The following DHX58 variants were observed in gnomAD, a reference collection of about 807,000 sequenced individuals.
DHX58 encodes DExH-box helicase 58.
A neutral mutation model predicts 65.0 loss-of-function variants in DHX58; 51 were observed. That is an observed-to-expected ratio of 0.78 (90% CI 0.63 to 0.99). DHX58 has a LOEUF of 0.99. Among genes scored for constraint, DHX58 ranks in the 50% least tolerant of loss-of-function variants. DHX58 has a pLI of 0.00. For synonymous variants in DHX58, 350 were observed against 365.0 expected (o/e 0.96, Z 0.47); for missense variants, 773 against 891.8 (o/e 0.87, Z 1.70).
intron 11 of DHX58, 110 bp from the exon 12 acceptor site, chr17:42,103,908 TA>T: frequency 8.4e-7 from 1 of 1,196,426 alleles, no homozygotes; most frequent in Non-Finnish European, 1.1e-6. Flanking sequence ...AGACTTTCCT[TA>T]ACCCTCCCTG....
rs1049472271 is a variant in DHX58 at position 42,110,601 on chromosome 17, C to T, written c.561+122G>A. 91 of 1,137,856 alleles carry T rather than the reference C, an allele frequency of 8.0e-5. 1 individual carries two copies. Among genetic ancestry groups the T allele is most frequent in the Non-Finnish European group, 1.0e-4 (84 of 818,218 alleles). The allele number at this position is 1,137,856 out of a possible 1,614,324, so 70.5% of individuals were successfully genotyped here. ...GGCTGGGTCTTAGGTGAGGAAGGGG[C>T]CAGACCCTGCCATGGAGAGCCTGGT... On this transcript the variant is annotated intron_variant, in intron 5 of 13. Transcript: ENST00000251642.
rs2054136392 is a variant in DHX58 at position 42,110,736 on chromosome 17, T to C, written c.548A>G (p.Asn183Ser). The C allele has an allele frequency of 6.2e-7, 1 of 1,606,352 alleles. No homozygotes were observed. Among genetic ancestry groups the C allele is most frequent in the Non-Finnish European group, 8.5e-7 (1 of 1,176,002 alleles). The change falls in exon 5 of 14, where the codon AAC (asparagine) becomes AGC (serine). Residue 183 changes from asparagine to serine, a missense_variant. Transcript: ENST00000251642. ...GGASKLDGAI[N>S]HVLQLCANLD... The stretch of plus-strand genomic sequence containing the variant: ...GGCCAGGCTGACCTGCAGGACGTGG[T>C]TGATGGCCCCATCGAGTTTGGAGGC...
At chr17:42,108,517 G>A (rs1555663338) in intron 6 of DHX58, among the ~76,000 whole-genome samples, 3 of 152,232 alleles carry the variant, frequency 2.0e-5, no homozygotes, top group African/African-American at 7.2e-5. Flanking sequence ...ACGGAGCTTG[G>A]TTCAGCTCGG....
At chr17:42,104,971 C>T (rs1555662297) in intron 10 of DHX58, 44 bp from the exon 11 acceptor site, 1 of 1,612,838 alleles carries the variant, frequency 6.2e-7, no homozygotes, top group Admixed American at 1.7e-5. Flanking sequence ...GCTGGGGCCC[C>T]ACACAGGATC....
chr17:42,107,496 T>C, intron 8 of DHX58, 108 bp downstream of exon 8: 1 of 1,264,022 alleles, frequency 7.9e-7, no homozygotes, highest in South Asian at 1.6e-5. Context: ...TCTCCACCAG[T>C]ATCCTCACGG....
At position 42,107,771 on chromosome 17, in the gene DHX58, T is replaced by C. The variant is rs912583425; in HGVS notation, c.830A>G (p.Gln277Arg). The C allele has an allele frequency of 2.5e-6, 4 of 1,588,792 alleles. No homozygotes were observed. Among genetic ancestry groups the C allele is most frequent in the African/African-American group, 2.7e-5 (2 of 74,424 alleles). The change falls in exon 8 of 14, where the codon CAA becomes CGA. Residue 277 changes from glutamine (Q) to arginine (R), a missense_variant. By Grantham distance (43) the Gln-to-Arg change is conservative. Coordinates refer to ENST00000251642, the MANE Select transcript of DHX58 (RefSeq NM_024119.3). The stretch of plus-strand genomic sequence containing the variant: ...CCTCAGGTGAAGCGCATACACCCGT[T>C]GCTCCTGAAGCCCAGCCAAAGCCGC... ...EAAALAGLQE[Q>R]RVYALHLRRY...
intron 8 of DHX58, 95 bp from the exon 9 acceptor site, chr17:42,106,084 A>AGGAG: frequency 7.4e-7 from 1 of 1,352,870 alleles, no homozygotes; most frequent in South Asian, 1.4e-5. Flanking sequence ...GCTTAAGCCT[A>AGGAG]GGAGGTCAAG....
At position 42,103,733 on chromosome 17, in the gene DHX58, C is replaced by T. The variant is rs1555661993; in HGVS notation, c.1629G>A (p.Gln543=). ...CGTGCTCCACTGGGAACTGCTGCCG[C>T]TGGTTCTCCCGCTGGGCTGCCTGGG... ...RAAQAAQREN[Q]RQQFPVEHVQ... is the part of the protein sequence containing the mutation. The change falls in exon 12 of 14, where the codon CAG becomes CAA. Residue 543 remains glutamine (Q), a synonymous_variant. Transcript: ENST00000251642. 6.2e-7 allele frequency: 1 copy of T among 1,613,382 alleles called. No homozygotes were observed.
chr17:42,105,092 C>T lies in DHX58; in HGVS notation c.1327G>A (p.Glu443Lys), dbSNP rs781937122. 2 of 1,613,990 alleles carry T rather than the reference C, an allele frequency of 1.2e-6. No individual in the cohort carries two copies. The highest frequency in any genetic ancestry group is 2.2e-5 in the South Asian group (2 of 91,090). The stretch of plus-strand genomic sequence containing the variant: ...TTGCAATGTGGGATGTCCAGCCCCT[C>T]CTCCGCCACACTCGTGGCCACCAGA... Reference protein sequence around the residue: ...NLLVATSVAEEGLDIPHCNVV... With the variant: ...NLLVATSVAEKGLDIPHCNVV... The change falls in exon 10 of 14, where the codon GAG becomes AAG. Residue 443 changes from glutamate (E) to lysine (K), a missense_variant. By Grantham distance (56) the Glu-to-Lys change is moderately conservative. Coordinates refer to ENST00000251642, the MANE Select transcript of DHX58 (RefSeq NM_024119.3).
rs184346879 is a variant in DHX58 at position 42,105,055 on chromosome 17, C to T, written c.1364G>A (p.Arg455His). 1.4e-5 allele frequency: 22 copies of T among 1,613,710 alleles called. No individual in the cohort carries two copies. The highest frequency in any genetic ancestry group is 4.0e-5 in the African/African-American group (3 of 75,022). The change falls in exon 10 of 14, where the codon CGT becomes CAT. Residue 455 changes from arginine (R) to histidine (H), a missense_variant. Transcript: ENST00000251642. ...LDIPHCNVVV[R>H]YGLLTNEISM... ...GATTTCATTGGTCAAGAGCCCATAA[C>T]GCACCACCACATTGCAATGTGGGAT...
At chr17:42,105,680 C>T in intron 9 of DHX58, 56 bp downstream of exon 9, 3 of 1,510,142 alleles carry the variant, frequency 2.0e-6, no homozygotes, top group South Asian at 2.7e-5. Flanking sequence ...CTGTTCCCCG[C>T]ACTTCTCTCC....
Position 42,105,088 on chromosome 17 carries a change from C to A in DHX58, c.1331G>T (p.Gly444Val). 6.2e-7 allele frequency: 1 copy of A among 1,613,944 alleles called. No homozygotes were observed. The highest frequency in any genetic ancestry group is 2.2e-5 in the East Asian group (1 of 44,874). Residue 444 changes from glycine (G) to valine (V), a missense_variant, in exon 10 of 14, where the codon GGG (glycine) becomes GTG (valine). Gly to Val is a moderately radical substitution (Grantham distance 109). Coordinates refer to ENST00000251642, the MANE Select transcript of DHX58 (RefSeq NM_024119.3). ...CACATTGCAATGTGGGATGTCCAGC[C>A]CCTCCTCCGCCACACTCGTGGCCAC... ...LLVATSVAEE[G>V]LDIPHCNVVV...
Position 42,111,362 on chromosome 17 carries a change from A to C in DHX58, c.304T>G (p.Cys102Gly). ...GCCATCTGCAGAAGCTCTGCTGTGC[A>C]GATGAGCAGGTCATGGCACCGGGCC... The part of the protein sequence containing the change: ...HLARCHDLLI[C>G]TAELLQMALT... The change falls in exon 4 of 14, where the codon TGC becomes GGC. Residue 102 changes from cysteine (C) to glycine (G), a missense_variant. Physicochemically the swap from Cys to Gly is radical, Grantham distance 159 (BLOSUM62 -3). Coordinates refer to ENST00000251642, the MANE Select transcript of DHX58 (RefSeq NM_024119.3). The C allele has an allele frequency of 1.2e-6, 2 of 1,614,204 alleles. No individual in the cohort carries two copies. The highest frequency in any genetic ancestry group is 1.6e-4 in the Middle Eastern group (1 of 6,062).
intron 6 of DHX58, among the ~76,000 whole-genome samples, chr17:42,108,481 G>T (rs1019677705): frequency 2.6e-5 from 4 of 152,366 alleles, no homozygotes; most frequent in Admixed American, 1.3e-4. Context: ...TCAGTAGAAG[G>T]TAAAACTGCC....
chr17:42,107,585 G>GC lies in DHX58; in HGVS notation c.997+18dup. The stretch of plus-strand genomic sequence containing the variant: ...AGGTCCCATCATCCCCGGCCCCGAA[G>GC]CCCCCTCCCGCCCCTCACCATCGAA... On this transcript the variant is annotated intron_variant, in intron 8 of 13. Coordinates refer to ENST00000251642, the MANE Select transcript of DHX58 (RefSeq NM_024119.3). The GC allele has an allele frequency of 1.0e-5, 12 of 1,193,300 alleles. No homozygotes were observed. Among genetic ancestry groups the GC allele is most frequent in the Middle Eastern group, 2.2e-4 (1 of 4,446 alleles). 73.9% of individuals were successfully genotyped at this position (1,193,300 alleles called of 1,614,324 possible).
In DHX58 at chr17:42,111,808, C is replaced by T. The variant is rs377046797; in HGVS notation, c.85G>A (p.Gly29Arg). ...NIIIWLPTGA[G>R]KTRAAAYVAK... The stretch of plus-strand genomic sequence containing the variant: ...ACATAAGCAGCCGCCCGGGTCTTCC[C>T]GGCACCCGTGGGCAGCCAGATGATG... Residue 29 changes from glycine (G) to arginine (R), a missense_variant, in exon 3 of 14, where the codon GGG becomes AGG. Coordinates refer to ENST00000251642, the MANE Select transcript of DHX58 (RefSeq NM_024119.3). 38 of 1,613,990 alleles carry T rather than the reference C, an allele frequency of 2.4e-5. No homozygotes were observed. Among genetic ancestry groups the T allele is most frequent in the Non-Finnish European group, 3.0e-5 (35 of 1,179,984 alleles).
At position 42,109,276 on chromosome 17, in the gene DHX58, G is replaced by C. The variant is rs2054112080; in HGVS notation, c.672C>G (p.Arg224=). Residue 224 remains arginine, a synonymous_variant, in exon 6 of 14, where the codon CGC becomes CGG. Coordinates refer to ENST00000251642, the MANE Select transcript of DHX58 (RefSeq NM_024119.3). ...PCKQYNLCHR[R]SQDPFGDLLK... is the part of the protein sequence containing the mutation. Reference sequence around the variant, plus strand: ...TGTCCCTGCCCCCGCGTACCTGGCTGCGCCTGTGGCAGAGGTTGTACTGTT... The same window carrying C: ...TGTCCCTGCCCCCGCGTACCTGGCTCCGCCTGTGGCAGAGGTTGTACTGTT... 2 of 1,610,738 alleles carry C rather than the reference G, an allele frequency of 1.2e-6. No homozygotes were observed.
chr17:42,106,281 A>G (rs1555662662), intron 8 of DHX58, among the ~76,000 whole-genome samples: 1 of 142,790 alleles, frequency 7.0e-6, no homozygotes, highest in African/African-American at 2.8e-5. Flanking sequence ...AGAGAGAAGG[A>G]AAGAAGGGAA....
Position 42,101,675 on chromosome 17 carries a change from G to C in DHX58, c.*86C>G. ...GCTGGTGGGCCTGATGCCCACAGCTGATGATTCAGGAAGGAGGGGCCTGGA... is the reference window on the plus strand; with the variant it reads ...GCTGGTGGGCCTGATGCCCACAGCTCATGATTCAGGAAGGAGGGGCCTGGA... On this transcript the variant is annotated 3_prime_UTR_variant, in exon 14 of 14. Transcript: ENST00000251642. 6.5e-7 allele frequency: 1 copy of C among 1,529,248 alleles called. No homozygotes were observed. The highest frequency in any genetic ancestry group is 2.3e-5 in the East Asian group (1 of 44,054). 94.7% of individuals were successfully genotyped at this position (1,529,248 alleles called of 1,614,324 possible).
Sources: gnomAD v4.1 joint callset for allele counts (sites outside exome capture counted in the v4.1 genomes callset) on GRCh38, gnomAD v4.1.1 for gene constraint, MANE v1.5 for transcripts, NCBI Gene and HGNC (gene_info 2026-07-23, HGNC 2026-07-21) for gene names.